DOCK6: variants seen among roughly 807,000 people sequenced by gnomAD.
DOCK6 encodes dedicator of cytokinesis protein 6.
In DOCK6, 167 loss-of-function variants were observed where a neutral mutation model predicts 230.3. The observed-to-expected ratio is 0.73, with a 90% CI of 0.64 to 0.82. The LOEUF is 0.82. Among genes scored for constraint, DOCK6 ranks in the 40% least tolerant of loss-of-function variants. The pLI is 0.00. For missense variants in DOCK6, 2,598 were observed against 2,825.8 expected, an observed-to-expected ratio of 0.92 and a Z score of 1.83; for synonymous variants, 1,148 against 1,185.0, an observed-to-expected ratio of 0.97 and a Z score of 0.64.
chr19:11,214,314 CAAG>C lies in DOCK6; in HGVS notation c.4296_4298del (p.Phe1432del). ...CCCTCTGGGTGGCCAGGCCATGCTG[CAAG>C]AAGAGGGCACTCTGGGCACTGCCCA... On this transcript the variant is annotated inframe_deletion, in exon 34 of 48. Transcript: ENST00000294618. The C allele has an allele frequency of 6.2e-7, 1 of 1,613,484 alleles. No individual in the cohort carries two copies. The highest frequency in any genetic ancestry group is 8.5e-7 in the Non-Finnish European group (1 of 1,179,806).
At position 11,212,409 on chromosome 19, in the gene DOCK6, T is replaced by C. The variant is rs11666686; in HGVS notation, c.4492-258A>G. Among the ~76,000 whole-genome samples the C allele has an allele frequency of 0.51, 76,562 of 151,562 alleles. 20,955 individuals carry two copies. Among genetic ancestry groups the C allele is most frequent in the Non-Finnish European group, 0.62 (41,886 of 67,856 alleles). ...GGCATATGCCACCACGCCCTACTAA[T>C]TTTTGTATTTTTGGTAGAGACAGGG... is the stretch of plus-strand genomic sequence containing the variant. On this transcript the variant is annotated intron_variant, in intron 35 of 47. Coordinates refer to ENST00000294618, the MANE Select transcript of DOCK6 (RefSeq NM_020812.4).
intron 14 of DOCK6, 88 bp downstream of exon 14, chr19:11,241,957 T>C (rs1458640485): frequency 3.3e-5 from 48 of 1,459,236 alleles, no homozygotes; most frequent in Non-Finnish European, 4.1e-5. Context: ...AGGGTGTCTG[T>C]GTGTGTCCTT....
chr19:11,251,340 A>G, intron 5 of DOCK6: 1 of 476,514 alleles, frequency 2.1e-6, no homozygotes, highest in Non-Finnish European at 3.8e-6. Context: ...GGTGATCCTT[A>G]TCTGGTCAAT....
intron 39 of DOCK6, 43 bp downstream of exon 39, chr19:11,208,643 T>C (rs1428281326): frequency 3.8e-6 from 6 of 1,587,240 alleles, no homozygotes; most frequent in Non-Finnish European, 5.2e-6. Flanking sequence ...GGCACCTCCC[T>C]GGCCCGAGCC....
At chr19:11,207,068 C>T (rs56048141) in intron 39 of DOCK6, among the ~76,000 whole-genome samples, 1,876 of 152,170 alleles carry the variant, frequency 0.012, 9 homozygotes, top group Non-Finnish European at 0.018. Flanking sequence ...CTCCTGACCT[C>T]GTGATCCGCC....
In DOCK6 at chr19:11,243,763, A is replaced by G. The variant is rs749678659; in HGVS notation, c.1104+39T>C. 2.5e-6 allele frequency: 4 copies of G among 1,613,506 alleles called. No homozygotes were observed. The Admixed American group carries it at 6.7e-5, about 27-fold the overall frequency. ...CTCAGCATCCTAGCCCTGCTGAGTC[A>G]GGGATCTGTTGCCCCTAGTCCAGCC... On this transcript the variant is annotated intron_variant, in intron 10 of 47. Coordinates refer to ENST00000294618, the MANE Select transcript of DOCK6 (RefSeq NM_020812.4). The surrounding 1 kb of genome is among the most constrained non-coding windows in gnomAD (Gnocchi z 6.3).
chr19:11,222,738 G>A lies in DOCK6; in HGVS notation c.3237C>T (p.Ser1079=). 6.4e-7 allele frequency: 1 copy of A among 1,567,726 alleles called. No homozygotes were observed. ...SPSPSVSSTT[S]QSSTFSSQAP... is the part of the protein sequence containing the mutation. The stretch of plus-strand genomic sequence containing the variant: ...GGCAGAAGTGAAGGCAGCCCACCTG[G>A]GAGGTGGTGGAGGACACAGAGGGGG... The change falls in exon 26 of 48, where the codon TCC becomes TCT. Residue 1079 remains serine, a synonymous_variant. Coordinates refer to ENST00000294618, the MANE Select transcript of DOCK6 (RefSeq NM_020812.4). The surrounding 1 kb of genome is among the most constrained non-coding windows in gnomAD (Gnocchi z 4.0).
At chr19:11,239,850 C>T in intron 14 of DOCK6, 1 of 1,599,930 alleles carries the variant, frequency 6.3e-7, no homozygotes, top group Non-Finnish European at 8.5e-7. Context: ...GTCTCTATGG[C>T]CGCACAATAG....
At chr19:11,213,354 C>G in intron 34 of DOCK6, 26 bp from the exon 35 acceptor site, 1 of 1,601,114 alleles carries the variant, frequency 6.2e-7, no homozygotes, top group Non-Finnish European at 8.5e-7. Context: ...CAGACAGACA[C>G]TGTCCAGCCC....
At chr19:11,229,978 A>G (rs938099879) in intron 22 of DOCK6, among the ~76,000 whole-genome samples, 6 of 134,242 alleles carry the variant, frequency 4.5e-5, no homozygotes, top group Non-Finnish European at 9.2e-5. Context: ...TGGGACTTGG[A>G]GGTTGCGGTG....
intron 24 of DOCK6, among the ~76,000 whole-genome samples, chr19:11,226,793 T>C (rs2071309093): frequency 6.6e-6 from 1 of 152,238 alleles, no homozygotes; most frequent in Non-Finnish European, 1.5e-5. Context: ...GCATTGGAAT[T>C]GGTAATCCAG....
At chr19:11,211,970 G>A (rs759301316) in intron 36 of DOCK6, 23 bp downstream of exon 36, 1 of 1,589,872 alleles carries the variant, frequency 6.3e-7, no homozygotes, top group Non-Finnish European at 8.6e-7. Context: ...GGGGAGGCGG[G>A]GCGGGGACCC....
chr19:11,231,929 G>A (rs891970658), intron 22 of DOCK6, among the ~76,000 whole-genome samples: 10 of 152,152 alleles, frequency 6.6e-5, no homozygotes, highest in South Asian at 2.1e-4. Context: ...TTTGCACTTC[G>A]TTTGCATGCG....
chr19:11,244,067 G>A (rs780558518), intron 9 of DOCK6, among the ~76,000 whole-genome samples, 185 bp from the exon 10 acceptor site: 1 of 151,656 alleles, frequency 6.6e-6, no homozygotes, highest in Non-Finnish European at 1.5e-5. Flanking sequence ...GGCCTGCCTG[G>A]TGGCTACTCC....
At chr19:11,229,276 C>A (rs1299341296) in intron 22 of DOCK6, 2 of 1,300,736 alleles carry the variant, frequency 1.5e-6, no homozygotes, top group Non-Finnish European at 2.0e-6. Context: ...AAAATAGCGT[C>A]ATCCGCACCT....
intron 14 of DOCK6, chr19:11,239,639 T>C: frequency 6.2e-7 from 1 of 1,613,752 alleles, no homozygotes; most frequent in Middle Eastern, 1.7e-4. Context: ...CCCTCAGTCA[T>C]GCCAGTGCCT....
chr19:11,243,780 AG>A lies in DOCK6; in HGVS notation c.1104+21del. ...GCTGAGTCAGGGATCTGTTGCCCCT[AG>A]TCCAGCCTCCACACGCTTACCTTGG... On this transcript the variant is annotated intron_variant, in intron 10 of 47. Transcript: ENST00000294618. The surrounding 1 kb of genome is among the most constrained non-coding windows in gnomAD (Gnocchi z 6.3). 6.2e-7 allele frequency: 1 copy of A among 1,613,290 alleles called. No homozygotes were observed. Among genetic ancestry groups the A allele is most frequent in the African/African-American group, 1.3e-5 (1 of 75,050 alleles).
At chr19:11,259,898 T>TTTTTTA (rs1313248382) in intron 1 of DOCK6, among the ~76,000 whole-genome samples, 1 of 139,448 alleles carries the variant, frequency 7.2e-6, no homozygotes, top group Non-Finnish European at 1.6e-5. Flanking sequence ...TTTTTTTTTT[T>TTTTTTA]TTTGAGACAG....
At chr19:11,255,813 G>A (rs2080187955) in intron 1 of DOCK6, among the ~76,000 whole-genome samples, 1 of 152,044 alleles carries the variant, frequency 6.6e-6, no homozygotes, top group Non-Finnish European at 1.5e-5. Flanking sequence ...TTGAGACGGA[G>A]TCTCGATCTG....
Sources: allele counts gnomAD v4.1 joint callset (sites outside exome capture counted in the v4.1 genomes callset), GRCh38; gene constraint gnomAD v4.1.1; non-coding constraint Gnocchi (gnomAD v3.1); transcripts MANE v1.5; gene names NCBI Gene and HGNC (gene_info 2026-07-23, HGNC 2026-07-21).